Variants in WLS observed in about 807,000 individuals in gnomAD.
WLS encodes protein wntless homolog.
In WLS, 23 loss-of-function variants were observed where a neutral mutation model predicts 62.8. The ratio of observed to expected loss-of-function variants is 0.37; its 90% CI spans 0.26 to 0.52. The LOEUF is 0.52. Among genes scored for constraint, WLS ranks in the 20% least tolerant of loss-of-function variants. WLS has a pLI of 0.92. For missense variants in WLS, 615 were observed against 697.3 expected (o/e 0.88, Z 1.33); for synonymous variants, 246 against 244.1 (o/e 1.01, Z -0.07).
intron 2 of WLS, among the ~76,000 whole-genome samples, chr1:68,167,915 G>A (rs1173431059): frequency 6.6e-6 from 1 of 152,104 alleles, no homozygotes; most frequent in South Asian, 2.1e-4. Flanking sequence ...AGACTGCAAA[G>A]TGTGGTTACA....
chr1:68,223,309 A>G (rs546333208), intron 1 of WLS, among the ~76,000 whole-genome samples: 1 of 152,210 alleles, frequency 6.6e-6, no homozygotes, highest in Non-Finnish European at 1.5e-5. Flanking sequence ...GGGGAGGTTC[A>G]TAATGAAATA....
At chr1:68,124,198 T>C (rs776405396), downstream of WLS, among the ~76,000 whole-genome samples, 2 of 152,224 alleles carry the variant, frequency 1.3e-5, no homozygotes, top group African/African-American at 2.4e-5. Flanking sequence ...GGTTCCAGTC[T>C]CTGTGATCTC....
chr1:68,103,448 G>C (rs148645742), intron 11 of WLS, among the ~76,000 whole-genome samples: 1 of 152,160 alleles, frequency 6.6e-6, no homozygotes, highest in South Asian at 2.1e-4. Context: ...GGAGCACTGC[G>C]GTGCCCTTCT....
chr1:68,110,383 A>T (rs1646208835), intron 11 of WLS, among the ~76,000 whole-genome samples: 1 of 152,138 alleles, frequency 6.6e-6, no homozygotes, highest in African/African-American at 2.4e-5. Flanking sequence ...AAATAGCCTT[A>T]TAATCATTAA....
intron 2 of WLS, among the ~76,000 whole-genome samples, chr1:68,170,890 G>A (rs951408413): frequency 6.6e-6 from 1 of 152,154 alleles, no homozygotes; most frequent in African/African-American, 2.4e-5. Context: ...TATCACTCAT[G>A]TCTTTGCACA....
chr1:68,161,226 C>G (rs1158647451), intron 2 of WLS, among the ~76,000 whole-genome samples: 3 of 152,126 alleles, frequency 2.0e-5, no homozygotes, highest in Non-Finnish European at 4.4e-5. Context: ...TGTACAGGAG[C>G]CTGTACTGTC....
At chr1:68,199,429 G>A (rs185962291) in intron 1 of WLS, among the ~76,000 whole-genome samples, 1 of 152,196 alleles carries the variant, frequency 6.6e-6, no homozygotes, top group East Asian at 1.9e-4. Flanking sequence ...CCTTGGAAGA[G>A]AGCAGGTAAT....
chr1:68,098,679 C>T (rs138133925), exon 12 of WLS: 87 of 1,613,872 alleles, frequency 5.4e-5, no homozygotes, highest in East Asian at 6.7e-5. Context: ...TATTTCGAAG[C>T]GCTGAACAAT....
At chr1:68,168,590 T>C (rs1647098030) in intron 2 of WLS, among the ~76,000 whole-genome samples, 2 of 152,154 alleles carry the variant, frequency 1.3e-5, no homozygotes, top group Admixed American at 6.5e-5. Flanking sequence ...AGGAATGATT[T>C]TATGGTTGTC....
intron 11 of WLS, among the ~76,000 whole-genome samples, chr1:68,132,124 A>T (rs1046441645): frequency 2.6e-5 from 4 of 152,198 alleles, no homozygotes; most frequent in Non-Finnish European, 4.4e-5. Context: ...TAAGACTCAG[A>T]AAAAATGATT....
At chr1:68,101,313 T>TATC (rs1231346468) in intron 11 of WLS, among the ~76,000 whole-genome samples, 33 of 152,152 alleles carry the variant, frequency 2.2e-4, no homozygotes, top group African/African-American at 5.8e-4. Context: ...TTGCTATTAT[T>TATC]ATTATTATTA....
At chr1:68,228,414 T>A (rs1267951860) in intron 1 of WLS, among the ~76,000 whole-genome samples, 1 of 152,106 alleles carries the variant, frequency 6.6e-6, no homozygotes, top group Non-Finnish European at 1.5e-5. Context: ...GGGATTCAAG[T>A]TCATGATTTT....
chr1:68,216,331 T>G (rs1649725790), intron 1 of WLS, among the ~76,000 whole-genome samples: 1 of 152,246 alleles, frequency 6.6e-6, no homozygotes, highest in Non-Finnish European at 1.5e-5. Context: ...ATATCCCTGA[T>G]GGACTGGCCT....
At chr1:68,134,569 G>A (rs1435245070) in intron 11 of WLS, among the ~76,000 whole-genome samples, 1 of 152,176 alleles carries the variant, frequency 6.6e-6, no homozygotes, top group East Asian at 1.9e-4. Context: ...ATTTCTTTAT[G>A]ACATGAGCCT....
In WLS at chr1:68,137,898, T is replaced by C. The variant is rs773115339; in HGVS notation, c.1398A>G (p.Thr466=). 1.2e-6 allele frequency: 2 copies of C among 1,613,884 alleles called. No individual in the cohort carries two copies. The highest frequency in any genetic ancestry group is 1.6e-4 in the Middle Eastern group (1 of 6,082). The part of the protein sequence containing the change: ...TEGHWKWGGV[T]VQVNSAFFTG... ...TGAAAAAGGCACTGTTCACTTGGACTGTGACGCCGCCCCATTTCCAATGGC... is the reference window on the plus strand; with the variant it reads ...TGAAAAAGGCACTGTTCACTTGGACCGTGACGCCGCCCCATTTCCAATGGC... The change falls in exon 11 of 12, where the codon ACA becomes ACG. Residue 466 remains threonine, a synonymous_variant. Coordinates refer to ENST00000262348, the MANE Select transcript of WLS (RefSeq NM_024911.7).
chr1:68,181,681 A>T (rs987628199), intron 2 of WLS, among the ~76,000 whole-genome samples: 1 of 152,178 alleles, frequency 6.6e-6, no homozygotes. Context: ...CTGATGTACA[A>T]CGAGGAGATC....
At chr1:68,153,392 C>T in intron 5 of WLS, 125 bp downstream of exon 5, 1 of 1,318,878 alleles carries the variant, frequency 7.6e-7, no homozygotes, top group Non-Finnish European at 1.0e-6. Context: ...TCCAGGATGA[C>T]TCCTGGTCAA....
chr1:68,224,504 C>T (rs772667130), intron 1 of WLS, among the ~76,000 whole-genome samples: 59 of 152,172 alleles, frequency 3.9e-4, no homozygotes, highest in African/African-American at 1.2e-3. Flanking sequence ...TCAGAGGGCC[C>T]ACTATCTCGA....
intron 11 of WLS, chr1:68,098,875 G>C (rs1016316291): frequency 7.1e-7 from 1 of 1,404,234 alleles, no homozygotes; most frequent in Non-Finnish European, 9.4e-7. Context: ...ATTTCTAGTG[G>C]AGTGTTTGAA....
Sources: gnomAD v4.1 joint callset for allele counts (sites outside exome capture counted in the v4.1 genomes callset) on GRCh38, gnomAD v4.1.1 for gene constraint, MANE v1.5 for transcripts, NCBI Gene and HGNC (gene_info 2026-07-23, HGNC 2026-07-21) for gene names.